The following SYTL3 variants were observed in gnomAD, a reference collection of about 807,000 sequenced individuals.
SYTL3 encodes synaptotagmin like 3, also known as synaptotagmin-like protein 3.
SYTL3 carries 88 observed loss-of-function variants against 82.1 expected under a neutral mutation model. The observed-to-expected ratio is 1.07, with a 90% confidence interval of 0.90 to 1.28. The LOEUF (loss-of-function observed/expected upper bound fraction) is 1.28. Ranked by LOEUF, SYTL3 falls within the 50% of genes most tolerant of loss-of-function variation. SYTL3 has a pLI of 0.00. For missense variants in SYTL3, 831 were observed against 757.6 expected, an observed-to-expected ratio of 1.10 and a Z score of -1.14; for synonymous variants, 311 against 289.4, an observed-to-expected ratio of 1.07 and a Z score of -0.76.
intron 6 of SYTL3, among the ~76,000 whole-genome samples, chr6:158,699,296 C>T (rs1442640851): frequency 3.9e-5 from 6 of 152,294 alleles, no homozygotes; most frequent in Middle Eastern, 6.8e-3. Flanking sequence ...CAACAGGGCC[C>T]GCATCTGCTG....
intron 5 of SYTL3, among the ~76,000 whole-genome samples, chr6:158,682,005 C>T (rs1351984757): frequency 3.3e-5 from 5 of 152,182 alleles, no homozygotes; most frequent in Non-Finnish European, 5.9e-5. Flanking sequence ...GGTGCAATCT[C>T]GGCTCACTGC....
intron 6 of SYTL3, among the ~76,000 whole-genome samples, chr6:158,690,673 AAT>A (rs1779769345): frequency 6.6e-6 from 1 of 152,226 alleles, no homozygotes; most frequent in African/African-American, 2.4e-5. Context: ...TAGTACAAAA[AAT>A]TTTAAATATT....
chr6:158,694,368 T>C (rs1583263241), intron 6 of SYTL3, among the ~76,000 whole-genome samples: 1 of 152,038 alleles, frequency 6.6e-6, no homozygotes, highest in Non-Finnish European at 1.5e-5. Flanking sequence ...TGATATTGGC[T>C]CGCTGCAACC....
chr6:158,708,421 G>A (rs745782339), intron 8 of SYTL3, 30 bp downstream of exon 8: 2 of 1,599,788 alleles, frequency 1.3e-6, no homozygotes, highest in Non-Finnish European at 8.6e-7. Context: ...CACTTCTCTA[G>A]TAGGGGTCAG....
chr6:158,674,101 A>AATAATAAT (rs1242098926), intron 5 of SYTL3, among the ~76,000 whole-genome samples: 113 of 140,600 alleles, frequency 8.0e-4, no homozygotes, highest in Middle Eastern at 7.2e-3. Flanking sequence ...TAATAATAAT[A>AATAATAAT]ATAATAATAA....
intron 11 of SYTL3, among the ~76,000 whole-genome samples, chr6:158,736,720 A>G (rs951034857): frequency 6.7e-6 from 1 of 150,320 alleles, no homozygotes; most frequent in Non-Finnish European, 1.5e-5. Context: ...CCTGGGAAGT[A>G]GAGGTGGCAG....
chr6:158,652,721 T>G (rs146715790), intron 2 of SYTL3, among the ~76,000 whole-genome samples: 76 of 152,134 alleles, frequency 5.0e-4, no homozygotes, highest in African/African-American at 1.8e-3. Flanking sequence ...TTTGTATTTT[T>G]AGTAAAGACA....
chr6:158,719,498 C>T (rs745501817), intron 10 of SYTL3, among the ~76,000 whole-genome samples: 5 of 152,210 alleles, frequency 3.3e-5, no homozygotes, highest in Non-Finnish European at 7.3e-5. Context: ...CTGGCGAAGT[C>T]TATGCTGTGA....
chr6:158,710,973 G>A (rs757126129), intron 8 of SYTL3, among the ~76,000 whole-genome samples: 3 of 152,042 alleles, frequency 2.0e-5, no homozygotes, highest in Non-Finnish European at 4.4e-5. Flanking sequence ...CAGTAGAGAC[G>A]GGGTTTCACT....
At chr6:158,702,642 C>T (rs80284912) in intron 6 of SYTL3, among the ~76,000 whole-genome samples, 7,375 of 152,060 alleles carry the variant, frequency 0.049, 203 homozygotes, top group Middle Eastern at 0.068. Flanking sequence ...GGAAAATGTT[C>T]GAATAGAAGC....
intron 5 of SYTL3, among the ~76,000 whole-genome samples, chr6:158,679,742 T>C (rs1399195271): frequency 6.6e-6 from 1 of 152,226 alleles, no homozygotes; most frequent in Non-Finnish European, 1.5e-5. Flanking sequence ...TTTTAATTTA[T>C]CTACTACTTG....
intron 5 of SYTL3, among the ~76,000 whole-genome samples, chr6:158,677,415 G>A (rs919910328): frequency 1.3e-5 from 2 of 152,112 alleles, no homozygotes; most frequent in East Asian, 1.9e-4. Flanking sequence ...TGTGGGGAGC[G>A]GGGAGGGATA....
At chr6:158,756,529 G>T (rs1397220693) in intron 13 of SYTL3, among the ~76,000 whole-genome samples, 1 of 152,086 alleles carries the variant, frequency 6.6e-6, no homozygotes, top group Non-Finnish European at 1.5e-5. Flanking sequence ...GGCCAACGTG[G>T]TGAAACCCTG....
At chr6:158,678,741 T>G (rs1383403716) in intron 5 of SYTL3, among the ~76,000 whole-genome samples, 2 of 152,218 alleles carry the variant, frequency 1.3e-5, no homozygotes, top group South Asian at 4.1e-4. Context: ...AGGTCAGTCA[T>G]GGGTCAGGTC....
intron 5 of SYTL3, among the ~76,000 whole-genome samples, chr6:158,666,227 C>T (rs1264440108): frequency 6.6e-6 from 1 of 152,196 alleles, no homozygotes; most frequent in Non-Finnish European, 1.5e-5. Flanking sequence ...AAATTATAAT[C>T]TAGGGAATAT....
chr6:158,662,545 A>G (rs1391459431), intron 3 of SYTL3, among the ~76,000 whole-genome samples: 4 of 152,248 alleles, frequency 2.6e-5, no homozygotes, highest in Non-Finnish European at 5.9e-5. Flanking sequence ...AAGTTATGGA[A>G]TCCATATTAG....
chr6:158,656,491 T>C (rs968305570), intron 2 of SYTL3, among the ~76,000 whole-genome samples: 2 of 152,144 alleles, frequency 1.3e-5, no homozygotes, highest in Non-Finnish European at 2.9e-5. Flanking sequence ...TTTGGGAGGC[T>C]GAGGCGGGCA....
chr6:158,654,560 G>A (rs1423113203), intron 2 of SYTL3, among the ~76,000 whole-genome samples: 1 of 152,194 alleles, frequency 6.6e-6, no homozygotes, highest in Non-Finnish European at 1.5e-5. Flanking sequence ...CTTCCTGAAG[G>A]GGAGATGGAA....
At chr6:158,682,149 G>A (rs1306666202) in intron 5 of SYTL3, among the ~76,000 whole-genome samples, 1 of 151,966 alleles carries the variant, frequency 6.6e-6, no homozygotes, top group East Asian at 1.9e-4. Context: ...ATGTTGGCCA[G>A]GCTGGTCTCG....
Sources: gnomAD v4.1 joint callset for allele counts (sites outside exome capture counted in the v4.1 genomes callset) on GRCh38, gnomAD v4.1.1 for gene constraint, MANE v1.5 for transcripts, NCBI Gene and HGNC (gene_info 2026-07-23, HGNC 2026-07-21) for gene names.